Variants in XKR4 observed in about 807,000 individuals in gnomAD.
XKR4 encodes XK-related protein 4.
A neutral mutation model predicts 53.9 loss-of-function variants in XKR4; 12 were observed. The ratio of observed to expected loss-of-function variants is 0.22; its 90% CI spans 0.14 to 0.36. XKR4 has a LOEUF of 0.36. XKR4 is among the 10% of genes least tolerant of loss of function. The probability of loss-of-function intolerance (pLI) is 1.00; values close to 1 mark genes in which losing one functional copy is unlikely to be tolerated. For synonymous variants in XKR4, 354 were observed against 362.4 expected (o/e 0.98, Z 0.26); for missense variants, 799 against 859.5 (o/e 0.93, Z 0.88).
At chr8:55,480,429 A>T (rs1296750613) in intron 2 of XKR4, among the ~76,000 whole-genome samples, 2 of 152,164 alleles carry the variant, frequency 1.3e-5, no homozygotes, top group Admixed American at 6.5e-5. Context: ...TCTATGACAA[A>T]CCCACAGCCA....
chr8:55,109,473 C>G (rs945863288), intron 1 of XKR4, among the ~76,000 whole-genome samples: 1 of 152,068 alleles, frequency 6.6e-6, no homozygotes, highest in Admixed American at 6.5e-5. Flanking sequence ...CATATGCCAC[C>G]CCTGAGTGCT....
intron 1 of XKR4, among the ~76,000 whole-genome samples, chr8:55,326,610 A>G (rs1385444050): frequency 6.6e-6 from 1 of 150,854 alleles, no homozygotes; most frequent in Non-Finnish European, 1.5e-5. Flanking sequence ...AGCTGGGACT[A>G]CAGGCGTGCA....
chr8:55,273,737 C>T (rs181404788), intron 1 of XKR4, among the ~76,000 whole-genome samples: 11 of 152,200 alleles, frequency 7.2e-5, no homozygotes, highest in South Asian at 6.2e-4. Context: ...GGCCTCCCCC[C>T]ACTCGCCAAG....
At chr8:55,214,775 G>A (rs1027075064) in intron 1 of XKR4, among the ~76,000 whole-genome samples, 5 of 152,138 alleles carry the variant, frequency 3.3e-5, no homozygotes, top group Non-Finnish European at 7.3e-5. Context: ...GAAAGGAGGA[G>A]GAACTACCCT....
chr8:55,224,630 G>T (rs1171699165), intron 1 of XKR4, among the ~76,000 whole-genome samples: 1 of 152,128 alleles, frequency 6.6e-6, no homozygotes, highest in Non-Finnish European at 1.5e-5. Flanking sequence ...GGATAAAAAA[G>T]AATGGCCTAA....
At chr8:55,401,678 T>C (rs1804603638) in intron 2 of XKR4, among the ~76,000 whole-genome samples, 1 of 152,202 alleles carries the variant, frequency 6.6e-6, no homozygotes, top group South Asian at 2.1e-4. Context: ...CCTGGGTCCA[T>C]CTGGGGCCAA....
intron 1 of XKR4, among the ~76,000 whole-genome samples, chr8:55,236,560 C>T (rs944403308): frequency 2.6e-5 from 4 of 152,216 alleles, no homozygotes; most frequent in Non-Finnish European, 5.9e-5. Context: ...GCTGCATGAC[C>T]GATAAACCTC....
intron 2 of XKR4, among the ~76,000 whole-genome samples, chr8:55,497,805 G>A (rs1806374328): frequency 6.6e-6 from 1 of 152,184 alleles, no homozygotes; most frequent in Non-Finnish European, 1.5e-5. Flanking sequence ...GGATTCTTGT[G>A]AGATCCAAGC....
At chr8:55,168,938 G>C (rs1817109672) in intron 1 of XKR4, among the ~76,000 whole-genome samples, 1 of 152,148 alleles carries the variant, frequency 6.6e-6, no homozygotes, top group African/African-American at 2.4e-5. Flanking sequence ...CAAACTGCAG[G>C]CCTATGAAAA....
chr8:55,490,851 T>C (rs1175767191), intron 2 of XKR4, among the ~76,000 whole-genome samples: 1 of 152,200 alleles, frequency 6.6e-6, no homozygotes, highest in African/African-American at 2.4e-5. Context: ...TTTCTGCTTG[T>C]GGTTTGTTGA....
chr8:55,469,812 T>G (rs922679524), intron 2 of XKR4, among the ~76,000 whole-genome samples: 1 of 152,114 alleles, frequency 6.6e-6, no homozygotes, highest in Non-Finnish European at 1.5e-5. Flanking sequence ...TTGAATGGTT[T>G]TCTATTGCTC....
intron 2 of XKR4, among the ~76,000 whole-genome samples, chr8:55,462,035 G>A (rs984663855): frequency 6.6e-6 from 1 of 152,198 alleles, no homozygotes; most frequent in African/African-American, 2.4e-5. Context: ...ATGGAACCAA[G>A]TTGGAAAACA....
intron 1 of XKR4, among the ~76,000 whole-genome samples, chr8:55,252,801 G>C (rs193115133): frequency 1.3e-5 from 2 of 152,272 alleles, no homozygotes; most frequent in Admixed American, 1.3e-4. Context: ...TGAGGAGCTG[G>C]GACTTAGCTT....
chr8:55,425,252 G>A (rs1474597811), intron 2 of XKR4, among the ~76,000 whole-genome samples: 1 of 152,140 alleles, frequency 6.6e-6, no homozygotes, highest in Non-Finnish European at 1.5e-5. Context: ...CCTAGAGTTA[G>A]GTCTTCCATG....
intron 1 of XKR4, chr8:55,161,415 C>T: frequency 2.5e-6 from 1 of 399,492 alleles, no homozygotes. Flanking sequence ...GTCATAATTC[C>T]CTGCTTCTCT....
intron 2 of XKR4, chr8:55,449,904 G>A (rs937753080): frequency 1.1e-6 from 1 of 880,310 alleles, no homozygotes; most frequent in Admixed American, 1.7e-5. Flanking sequence ...CCTGGCGGGA[G>A]CCAGATGCGG....
chr8:55,441,358 A>G (rs902742059), intron 2 of XKR4, among the ~76,000 whole-genome samples: 2 of 152,236 alleles, frequency 1.3e-5, no homozygotes, highest in Non-Finnish European at 2.9e-5. Flanking sequence ...GCATTTAATA[A>G]TATACCAACA....
intron 1 of XKR4, among the ~76,000 whole-genome samples, chr8:55,346,454 T>C (rs935951159): frequency 2.4e-4 from 37 of 152,176 alleles, no homozygotes; most frequent in African/African-American, 8.2e-4. Flanking sequence ...GGAAATAAAG[T>C]CTAATCTTGA....
At chr8:55,519,898 A>C (rs183332458) in intron 2 of XKR4, among the ~76,000 whole-genome samples, 22 of 152,362 alleles carry the variant, frequency 1.4e-4, no homozygotes, top group African/African-American at 5.0e-4. Flanking sequence ...GTCAGTTGAC[A>C]ATTAGGGCAA....
Sources: allele counts gnomAD v4.1 joint callset (sites outside exome capture counted in the v4.1 genomes callset), GRCh38; gene constraint gnomAD v4.1.1; transcripts MANE v1.5; gene names NCBI Gene and HGNC (gene_info 2026-07-23, HGNC 2026-07-21).